The following GRN variants were observed in gnomAD, a reference collection of about 807,000 sequenced individuals.
GRN encodes granulin precursor, also known as progranulin.
GRN carries 30 observed loss-of-function variants against 66.7 expected under a neutral mutation model. The ratio of observed to expected loss-of-function variants is 0.45; its 90% CI spans 0.34 to 0.61. GRN has a LOEUF of 0.61. GRN is among the 20% of genes least tolerant of loss of function. The probability of loss-of-function intolerance (pLI) is 0.01; values close to 1 mark genes in which losing one functional copy is unlikely to be tolerated. For missense variants in GRN, 731 were observed against 803.5 expected, an observed-to-expected ratio of 0.91 and a Z score of 1.09; for synonymous variants, 327 against 311.1, an observed-to-expected ratio of 1.05 and a Z score of -0.54.
Position 44,351,798 on chromosome 17 carries a change from ATATGG to A in GRN, c.1179+4_1179+8del, listed in dbSNP as rs752440929. The stretch of plus-strand genomic sequence containing the variant: ...GGGGCTGCTGTCCAATCCCAGAGGT[ATATGG>A]GAGGGGACAGCATCTTGGCCTGGGC... On this transcript the variant is annotated splice_donor_5th_base_variant and intron_variant, in intron 10 of 12. Coordinates refer to ENST00000053867, the MANE Select transcript of GRN (RefSeq NM_002087.4). The A allele has an allele frequency of 4.7e-5, 76 of 1,612,664 alleles. 1 individual carries two copies. In the South Asian group the frequency reaches 7.6e-4, roughly 16 times the overall value.
chr17:44,347,347 G>C (rs914730759), intron 1 of GRN, among the ~76,000 whole-genome samples: 3 of 151,850 alleles, frequency 2.0e-5, no homozygotes, highest in African/African-American at 7.3e-5. Flanking sequence ...GGAGTATGTT[G>C]GCGTGATCTC....
rs1194653265 is a variant in GRN at position 44,350,305 on chromosome 17, G to A, written c.427G>A (p.Val143Ile). Reference protein sequence around the residue: ...CPDFSTCCVMVDGSWGCCPMP... With the variant: ...CPDFSTCCVMIDGSWGCCPMP... Reference sequence around the variant, plus strand: ...GGACTTCTCCACGTGCTGTGTTATGGTCGATGGCTCCTGGGGGTGCTGCCC... The same window carrying A: ...GGACTTCTCCACGTGCTGTGTTATGATCGATGGCTCCTGGGGGTGCTGCCC... Residue 143 changes from valine to isoleucine, a missense_variant, in exon 5 of 13, where the codon GTC (valine) becomes ATC (isoleucine). By Grantham distance (29) the Val-to-Ile change is conservative. Transcript: ENST00000053867. 6.2e-6 allele frequency: 10 copies of A among 1,613,682 alleles called. No homozygotes were observed. The East Asian group carries it at 2.0e-4, about 32-fold the overall frequency.
At chr17:44,351,867 C>A in intron 10 of GRN, 72 bp downstream of exon 10, 1 of 1,535,718 alleles carries the variant, frequency 6.5e-7, no homozygotes, top group South Asian at 1.1e-5. Flanking sequence ...CTGCCCTCCG[C>A]ATAGCCCATA....
intron 2 of GRN, 42 bp from the exon 3 acceptor site, chr17:44,349,384 C>G: frequency 6.2e-7 from 1 of 1,614,178 alleles, no homozygotes. Flanking sequence ...AGGAGGACGC[C>G]AGGCACAAGT....
At chr17:44,350,644 A>G in intron 6 of GRN, 47 bp from the exon 7 acceptor site, 1 of 1,611,978 alleles carries the variant, frequency 6.2e-7, no homozygotes, top group Non-Finnish European at 8.5e-7. Context: ...AGTGTAGGAA[A>G]AAGTTTCCTC....
At position 44,351,465 on chromosome 17, in the gene GRN, C is replaced by G. The variant is rs772281121; in HGVS notation, c.933+5C>G. The stretch of plus-strand genomic sequence containing the variant: ...GGCTGCTGCCCTTTTACCCAGGTAC[C>G]CAGGGGTGGCGGGTGGGTGGGCTGA... On this transcript the variant is annotated splice_donor_5th_base_variant and intron_variant, in intron 9 of 12. Coordinates refer to ENST00000053867, the MANE Select transcript of GRN (RefSeq NM_002087.4). 4.3e-6 allele frequency: 7 copies of G among 1,612,274 alleles called. No homozygotes were observed. The highest frequency in any genetic ancestry group is 5.1e-6 in the Non-Finnish European group (6 of 1,178,690).
intron 1 of GRN, among the ~76,000 whole-genome samples, chr17:44,347,566 C>CGT (rs1320108020): frequency 6.6e-6 from 1 of 151,608 alleles, no homozygotes; most frequent in East Asian, 2.0e-4. Context: ...GGATTACAGG[C>CGT]GTTAGCCACC....
At chr17:44,349,073 G>A (rs1424002689) in intron 1 of GRN, 85 bp from the exon 2 acceptor site, 1 of 1,464,070 alleles carries the variant, frequency 6.8e-7, no homozygotes, top group African/African-American at 1.4e-5. Context: ...CAGGACCTTG[G>A]CCTGGGGCTA....
chr17:44,352,830 G>T lies in GRN; in HGVS notation c.*32G>T. Reference sequence around the variant, plus strand: ...GTACTGAAGACTCTGCAGCCCTCGGGACCCCACTCGGAGGGTGCCCTCTGC... The same window carrying T: ...GTACTGAAGACTCTGCAGCCCTCGGTACCCCACTCGGAGGGTGCCCTCTGC... On this transcript the variant is annotated 3_prime_UTR_variant, in exon 13 of 13. Coordinates refer to ENST00000053867, the MANE Select transcript of GRN (RefSeq NM_002087.4). The T allele has an allele frequency of 6.2e-7, 1 of 1,604,356 alleles. No homozygotes were observed.
rs146250263 is a variant in GRN, at chr17:44,350,534, C to T, written c.555C>T (p.His185=). The change falls in exon 6 of 13, where the codon CAC becomes CAT. Residue 185 remains histidine (H), a synonymous_variant. Transcript: ENST00000053867. ...HTRCITPTGT[H]PLAKKLPAQR... ...GCTGCATCACACCCACGGGCACCCACCCCCTGGCAAAGAAGCTCCCTGCCC... is the reference window on the plus strand; with the variant it reads ...GCTGCATCACACCCACGGGCACCCATCCCCTGGCAAAGAAGCTCCCTGCCC... 8.1e-6 allele frequency: 13 copies of T among 1,613,768 alleles called. No homozygotes were observed. In the African/African-American group the frequency reaches 1.3e-4, roughly 17 times the overall value.
chr17:44,347,902 C>A (rs1375433205), intron 1 of GRN, among the ~76,000 whole-genome samples: 1 of 140,420 alleles, frequency 7.1e-6, no homozygotes, highest in Non-Finnish European at 1.5e-5. Flanking sequence ...TGAACTCGAG[C>A]ATGGGCAACA....
chr17:44,349,702 A>G lies in GRN; in HGVS notation c.300A>G (p.Pro100=), dbSNP rs770389659. ...GCGGGGATGGCCATCACTGCTGCCC[A>G]CGGGGCTTCCACTGCAGTGCAGACG... ...VACGDGHHCC[P]RGFHCSADGR... Residue 100 remains proline (P), a synonymous_variant, in exon 4 of 13, where the codon CCA becomes CCG. Transcript: ENST00000053867. The G allele has an allele frequency of 6.2e-7, 1 of 1,613,418 alleles. No individual in the cohort carries two copies. The highest frequency in any genetic ancestry group is 8.5e-7 in the Non-Finnish European group (1 of 1,179,492).
At chr17:44,350,046 G>A (rs2048357084) in intron 4 of GRN, among the ~76,000 whole-genome samples, 182 bp from the exon 5 acceptor site, 1 of 152,134 alleles carries the variant, frequency 6.6e-6, no homozygotes, top group Non-Finnish European at 1.5e-5. Flanking sequence ...CCATCTTGCT[G>A]AGGGAGGGAC....
At chr17:44,350,917 G>A in intron 7 of GRN, 117 bp downstream of exon 7, 1 of 1,411,360 alleles carries the variant, frequency 7.1e-7, no homozygotes, top group Non-Finnish European at 1.0e-6. Flanking sequence ...GAGCCTGGCT[G>A]ATGCAGGGTT....
chr17:44,349,959 G>A (rs1598363216), intron 4 of GRN: 4 of 639,384 alleles, frequency 6.3e-6, no homozygotes, highest in Non-Finnish European at 1.1e-5. Flanking sequence ...CCAGGTCCAG[G>A]CGTTGTGGGG....
rs1567886977 is a variant in GRN at position 44,351,079 on chromosome 17, A to G, written c.751A>G (p.Thr251Ala). ...TCACCTGCACTGCTGCCCCCAAGAC[A>G]CTGTGTGTGACCTGATCCAGAGTAA... is the stretch of plus-strand genomic sequence containing the variant. Reference protein sequence around the residue: ...SDHLHCCPQDTVCDLIQSKCL... With the variant: ...SDHLHCCPQDAVCDLIQSKCL... The change falls in exon 8 of 13, where the codon ACT (threonine) becomes GCT (alanine). Residue 251 changes from threonine to alanine, a missense_variant. Thr to Ala is a moderately conservative substitution (Grantham distance 58). This residue lies in a region of GRN where 370 missense variants were observed against 379.8 expected (regional missense o/e 0.97). Coordinates refer to ENST00000053867, the MANE Select transcript of GRN (RefSeq NM_002087.4). 3 of 1,613,832 alleles carry G rather than the reference A, an allele frequency of 1.9e-6. No homozygotes were observed. The highest frequency in any genetic ancestry group is 1.7e-5 in the Admixed American group (1 of 60,002).
intron 7 of GRN, 67 bp downstream of exon 7, chr17:44,350,867 C>T: frequency 1.4e-6 from 2 of 1,429,050 alleles, no homozygotes; most frequent in South Asian, 1.1e-5. Flanking sequence ...ACGCACCTTA[C>T]AGGGGCTCTG....
rs1226291729 is a variant in GRN at position 44,352,440 on chromosome 17, G to A, written c.1513G>A (p.Ala505Thr). ...GAAGGAAGTGGTCTCTGCCCAGCCT[G>A]CCACCTTCCTGGCCCGTAGCCCTCA... ...CEKEVVSAQPATFLARSPHVG... is the reference protein window; with the variant it reads ...CEKEVVSAQPTTFLARSPHVG... Residue 505 changes from alanine (A) to threonine (T), a missense_variant, in exon 12 of 13, where the codon GCC (alanine) becomes ACC (threonine). Physicochemically the swap from Ala to Thr is moderately conservative, Grantham distance 58. This residue lies in a region of GRN where 319 missense variants were observed against 347.2 expected (regional missense o/e 0.92). Coordinates refer to ENST00000053867, the MANE Select transcript of GRN (RefSeq NM_002087.4). 3 of 1,614,084 alleles carry A rather than the reference G, an allele frequency of 1.9e-6. No individual in the cohort carries two copies. Among genetic ancestry groups the A allele is most frequent in the Non-Finnish European group, 2.5e-6 (3 of 1,179,998 alleles).
intron 7 of GRN, 70 bp from the exon 8 acceptor site, chr17:44,350,966 CA>C: frequency 1.3e-6 from 2 of 1,558,740 alleles, no homozygotes; most frequent in Middle Eastern, 1.7e-4. Flanking sequence ...CAGTGCCAGC[CA>C]TCAGCCTGGC....
Sources: allele counts gnomAD v4.1 joint callset (sites outside exome capture counted in the v4.1 genomes callset), GRCh38; gene constraint gnomAD v4.1.1; regional missense constraint gnomAD v4.1.1; transcripts MANE v1.5; gene names NCBI Gene and HGNC (gene_info 2026-07-23, HGNC 2026-07-21).